Variants in CHAT observed in about 807,000 individuals in gnomAD.
The protein encoded by CHAT is choline O-acetyltransferase, also known as acetyl CoA:choline O-acetyltransferase.
In CHAT, 61 loss-of-function variants were observed where a neutral mutation model predicts 76.9. The ratio of observed to expected loss-of-function variants is 0.79; its 90% CI spans 0.65 to 0.98. CHAT has a LOEUF of 0.98. Among genes scored for constraint, CHAT ranks in the 50% least tolerant of loss-of-function variants. CHAT has a pLI of 0.00. For synonymous variants in CHAT, 407 were observed against 397.4 expected (o/e 1.02, Z -0.29); for missense variants, 946 against 986.9 (o/e 0.96, Z 0.56).
chr10:49,649,389 C>T, intron 9 of CHAT, 119 bp from the exon 10 acceptor site: 5 of 1,444,784 alleles, frequency 3.5e-6, no homozygotes, highest in Non-Finnish European at 4.8e-6. Flanking sequence ...CAGCTCGTAC[C>T]CCCTGAAACT....
chr10:49,658,783 T>C lies in CHAT; in HGVS notation c.1839+3335T>C, dbSNP rs949343155. Among the ~76,000 whole-genome samples, 4 of 152,196 alleles carry C rather than the reference T, an allele frequency of 2.6e-5. No homozygotes were observed. The East Asian group carries it at 5.8e-4, about 22-fold the overall frequency. ...CAATTGAACAGTTTAAAAGTGATCA[T>C]TGAGATTCTTTGAAAAATAAAAGGA... On this transcript the variant is annotated intron_variant, in intron 13 of 14. Coordinates refer to ENST00000337653, the MANE Select transcript of CHAT (RefSeq NM_020549.5).
chr10:49,661,861 G>A (rs1321468973), intron 13 of CHAT, among the ~76,000 whole-genome samples: 1 of 152,100 alleles, frequency 6.6e-6, no homozygotes, highest in South Asian at 2.1e-4. Context: ...CACCCTCCGT[G>A]AACCCCTCCT....
At position 49,665,089 on chromosome 10, in the gene CHAT, C is replaced by T. The variant is rs957231084; in HGVS notation, c.*43C>T. The T allele has an allele frequency of 1.9e-6, 3 of 1,609,206 alleles. No homozygotes were observed. Among genetic ancestry groups the T allele is most frequent in the East Asian group, 4.5e-5 (2 of 44,876 alleles). On this transcript the variant is annotated 3_prime_UTR_variant, in exon 15 of 15. Coordinates refer to ENST00000337653, the MANE Select transcript of CHAT (RefSeq NM_020549.5). ...CACCTCCCAAACCCAGCCTCTAGAA[C>T]AGCCAGACCCTGCAGATCCCCACTC...
At chr10:49,648,974 C>T (rs1284516547) in intron 9 of CHAT, among the ~76,000 whole-genome samples, 2 of 152,294 alleles carry the variant, frequency 1.3e-5, no homozygotes, top group African/African-American at 4.8e-5. Context: ...CTCTGAGTCT[C>T]ACTGCTTCCA....
Position 49,665,934 on chromosome 10 carries a change from C to G in CHAT, c.*888C>G, listed in dbSNP as rs1458721362. Reference sequence around the variant, plus strand: ...GCATCTTTTCCCCTCTCCTCCCCTCCTACATGCTCCAGTAGGTGAAGAGAG... The same window carrying G: ...GCATCTTTTCCCCTCTCCTCCCCTCGTACATGCTCCAGTAGGTGAAGAGAG... On this transcript the variant is annotated 3_prime_UTR_variant, in exon 15 of 15. Transcript: ENST00000337653. 6.6e-6 allele frequency among the ~76,000 whole-genome samples: 1 copy of G among 152,204 alleles called. No individual in the cohort carries two copies. The highest frequency in any genetic ancestry group is 1.9e-4 in the East Asian group (1 of 5,198).
intron 2 of CHAT, among the ~76,000 whole-genome samples, chr10:49,619,329 C>A (rs767024098): frequency 6.6e-6 from 1 of 152,180 alleles, no homozygotes; most frequent in Non-Finnish European, 1.5e-5. Context: ...AAAGCACTTT[C>A]ATATCTATTT....
intron 11 of CHAT, 128 bp downstream of exon 11, chr10:49,652,134 G>C: frequency 7.9e-7 from 1 of 1,263,040 alleles, no homozygotes; most frequent in Non-Finnish European, 1.1e-6. Context: ...GAGAGGGACT[G>C]AGGCTGCATG....
At chr10:49,655,557 C>T in intron 13 of CHAT, 109 bp downstream of exon 13, 1 of 1,041,918 alleles carries the variant, frequency 9.6e-7, no homozygotes, top group Non-Finnish European at 1.5e-6. Context: ...CCACCTGTTA[C>T]TCGGGGACTT....
intron 11 of CHAT, among the ~76,000 whole-genome samples, chr10:49,652,371 C>G (rs1839908001): frequency 6.6e-6 from 1 of 152,166 alleles, no homozygotes; most frequent in Non-Finnish European, 1.5e-5. Flanking sequence ...ACCTGTTCCT[C>G]CCCAGTCTTC....
chr10:49,610,943 G>A, upstream of CHAT: 5 of 1,610,460 alleles, frequency 3.1e-6, no homozygotes, highest in Non-Finnish European at 4.2e-6. Flanking sequence ...CGCGGGGGCG[G>A]CGAGGGCCCC....
At chr10:49,628,819 G>A (rs532217026) in intron 7 of CHAT, among the ~76,000 whole-genome samples, 2 of 152,394 alleles carry the variant, frequency 1.3e-5, no homozygotes, top group African/African-American at 2.4e-5. Flanking sequence ...GGCAAAGCCC[G>A]AGGCCCAGCA....
At chr10:49,613,664 G>A (rs1466773329), upstream of CHAT, among the ~76,000 whole-genome samples, 1 of 152,040 alleles carries the variant, frequency 6.6e-6, no homozygotes, top group Admixed American at 6.5e-5. Context: ...CTATTTCTGT[G>A]TGGGGGTCTC....
rs1554801418 is a variant in CHAT, at chr10:49,614,409, A to G, written c.220A>G (p.Thr74Ala). Reference sequence around the variant, plus strand: ...ACGCCCCCCACCCCTTCCGGCTCACACCCCCGCCCACACTCCTGAGTGGTG... The same window carrying G: ...ACGCCCCCCACCCCTTCCGGCTCACGCCCCCGCCCACACTCCTGAGTGGTG... ...ATRPPPLPAH[T>A]PAHTPEWCGA... is the part of the protein sequence containing the mutation. The change falls in exon 1 of 15, where the codon ACC becomes GCC. Residue 74 changes from threonine (T) to alanine (A), a missense_variant. By Grantham distance (58) the Thr-to-Ala change is moderately conservative (BLOSUM62 0). Around this residue, in one of 3 missense-constraint regions of CHAT, gnomAD observed 548 missense variants for 516.2 expected, o/e 1.06. Coordinates refer to ENST00000337653, the MANE Select transcript of CHAT (RefSeq NM_020549.5). The G allele has an allele frequency of 6.5e-7, 1 of 1,546,544 alleles. No homozygotes were observed. The highest frequency in any genetic ancestry group is 8.7e-7 in the Non-Finnish European group (1 of 1,146,206).
chr10:49,611,507 C>T (rs981399429), upstream of CHAT: 1 of 1,601,038 alleles, frequency 6.2e-7, no homozygotes, highest in Non-Finnish European at 8.5e-7. Context: ...CTCTTTGACG[C>T]GCTGTTGCTG....
intron 7 of CHAT, among the ~76,000 whole-genome samples, chr10:49,633,601 C>T (rs927922888): frequency 3.3e-5 from 5 of 152,320 alleles, no homozygotes; most frequent in African/African-American, 1.2e-4. Flanking sequence ...CCTCCCTCCC[C>T]ACTGCCTCGA....
chr10:49,640,452 G>A (rs1327915235), intron 7 of CHAT, among the ~76,000 whole-genome samples: 1 of 152,086 alleles, frequency 6.6e-6, no homozygotes, highest in Non-Finnish European at 1.5e-5. Context: ...GCACTTCACT[G>A]GGTCTCTGTT....
At chr10:49,645,520 T>C (rs1224168223) in intron 7 of CHAT, among the ~76,000 whole-genome samples, 3 of 152,108 alleles carry the variant, frequency 2.0e-5, no homozygotes, top group Non-Finnish European at 4.4e-5. Context: ...TAGACTCCTG[T>C]TTGGAAGAAA....
intron 6 of CHAT, among the ~76,000 whole-genome samples, chr10:49,626,278 G>A (rs1838918861): frequency 1.3e-5 from 2 of 152,208 alleles, no homozygotes; most frequent in African/African-American, 4.8e-5. Context: ...GGTCCTGGGG[G>A]ACAGGCTGAG....
At position 49,665,613 on chromosome 10, in the gene CHAT, C is replaced by T. The variant is rs1840325677; in HGVS notation, c.*567C>T. On this transcript the variant is annotated 3_prime_UTR_variant, in exon 15 of 15. Transcript: ENST00000337653. ...CAAGCACCCACTCCTCCCACACACA[C>T]CACAGAGCCCAAGTCCATTTAAAAT... is the stretch of plus-strand genomic sequence containing the variant. 6.6e-6 allele frequency among the ~76,000 whole-genome samples: 1 copy of T among 152,136 alleles called. No homozygotes were observed. The highest frequency in any genetic ancestry group is 2.4e-5 in the African/African-American group (1 of 41,424).
Sources: gnomAD v4.1 joint callset for allele counts (sites outside exome capture counted in the v4.1 genomes callset) on GRCh38, gnomAD v4.1.1 for gene constraint, gnomAD v4.1.1 regional missense constraint, MANE v1.5 for transcripts, NCBI Gene and HGNC (gene_info 2026-07-23, HGNC 2026-07-21) for gene names.